The following TMCC2 variants were observed in gnomAD, a reference collection of about 807,000 sequenced individuals.
TMCC2 encodes the protein transmembrane and coiled-coil domain family 2.
Under a neutral mutation model 49.4 loss-of-function variants are expected in TMCC2, and 16 were observed. The ratio of observed to expected loss-of-function variants is 0.32; its 90% CI spans 0.22 to 0.49. TMCC2 has a LOEUF of 0.49. Ranked by LOEUF, TMCC2 falls within the 20% of genes least tolerant of loss-of-function variation. The pLI, the probability that TMCC2 is intolerant of heterozygous loss-of-function variation, is 0.99. For synonymous variants in TMCC2, 397 were observed against 434.1 expected (o/e 0.91, Z 1.06); for missense variants, 762 against 989.8 (o/e 0.77, Z 3.09).
At chr1:205,245,197 G>A (rs920881636) in intron 2 of TMCC2, among the ~76,000 whole-genome samples, 7 of 152,116 alleles carry the variant, frequency 4.6e-5, no homozygotes, top group Non-Finnish European at 8.8e-5. Context: ...TGCTGGTCCC[G>A]TCTCCAGAGG....
intron 2 of TMCC2, chr1:205,257,287 C>T: frequency 8.1e-7 from 1 of 1,232,282 alleles, no homozygotes; most frequent in African/African-American, 1.5e-5. Flanking sequence ...GGGGGCCTGA[C>T]ACAGTCCGCA....
chr1:205,253,815 T>C (rs57786383), intron 2 of TMCC2, among the ~76,000 whole-genome samples: 4,984 of 152,322 alleles, frequency 0.033, 245 homozygotes, highest in African/African-American at 0.1. Flanking sequence ...CTGTCTGGAA[T>C]ACTGTGGTTT....
intron 2 of TMCC2, chr1:205,268,011 C>T (rs1013513882): frequency 2.0e-6 from 2 of 985,254 alleles, no homozygotes; most frequent in Admixed American, 1.2e-4. Flanking sequence ...TGGGGGCTTC[C>T]ACCATTATGA....
intron 1 of TMCC2, among the ~76,000 whole-genome samples, chr1:205,231,461 TA>T (rs1659795833): frequency 6.6e-6 from 1 of 152,122 alleles, no homozygotes; most frequent in Admixed American, 6.6e-5. Flanking sequence ...CATGCCTGGT[TA>T]ATTTTTAAAT....
At chr1:205,265,112 G>A (rs562137315) in intron 2 of TMCC2, among the ~76,000 whole-genome samples, 52 of 152,178 alleles carry the variant, frequency 3.4e-4, no homozygotes, top group Non-Finnish European at 5.0e-4. Context: ...GTGGAGGGAC[G>A]GAAGGAGCTG....
chr1:205,255,894 G>A (rs1032210767), intron 2 of TMCC2, among the ~76,000 whole-genome samples: 3 of 152,202 alleles, frequency 2.0e-5, no homozygotes, highest in African/African-American at 7.2e-5. Context: ...TAGGGGAGCT[G>A]CCAGAAGTGT....
At position 205,242,107 on chromosome 1, in the gene TMCC2, T is replaced by C. The variant is rs1385458405; in HGVS notation, c.747+63T>C. 4.0e-6 allele frequency: 6 copies of C among 1,494,796 alleles called. No homozygotes were observed. The East Asian group carries it at 9.3e-5, about 23-fold the overall frequency. The allele number at this position is 1,494,796 out of a possible 1,614,324, so 92.6% of individuals were successfully genotyped here. On this transcript the variant is annotated intron_variant, in intron 2 of 4. Transcript: ENST00000358024. ...GCAAGGGCCATCCGCTGAGGGGCCT[T>C]GAGACCTGGGGAGCTGAGCCAGGGG...
chr1:205,270,719 C>T (rs926939793), intron 3 of TMCC2, among the ~76,000 whole-genome samples: 1 of 152,184 alleles, frequency 6.6e-6, no homozygotes, highest in Admixed American at 6.5e-5. Flanking sequence ...TCCCTGGTAC[C>T]CAGAGAGCAT....
At chr1:205,235,410 T>C (rs1167033781) in intron 1 of TMCC2, among the ~76,000 whole-genome samples, 1 of 152,218 alleles carries the variant, frequency 6.6e-6, no homozygotes, top group Non-Finnish European at 1.5e-5. Flanking sequence ...TAATTATGTC[T>C]TCACTGCCAA....
intron 2 of TMCC2, chr1:205,257,071 G>C: frequency 1.1e-6 from 1 of 942,712 alleles, no homozygotes; most frequent in Non-Finnish European, 1.4e-6. Flanking sequence ...TCTCATCAGA[G>C]CTCGGTCCTC....
intron 1 of TMCC2, chr1:205,229,773 C>G (rs1659718739): frequency 1.0e-6 from 1 of 985,424 alleles, no homozygotes; most frequent in Non-Finnish European, 1.2e-6. Context: ...AAGAACTGTT[C>G]ACATGGAGCT....
chr1:205,228,422 T>A lies in TMCC2; in HGVS notation c.-143T>A, dbSNP rs1659655199. 6.0e-6 allele frequency: 4 copies of A among 665,394 alleles called. No individual in the cohort carries two copies. The highest frequency in any genetic ancestry group is 3.0e-5 in the Admixed American group (1 of 33,060). 41.2% of individuals were successfully genotyped at this position (665,394 alleles called of 1,614,324 possible). A position where few individuals can be genotyped will look rare whatever the true frequency, so the allele number is the denominator to read the frequency against. On this transcript the variant is annotated 5_prime_UTR_variant, in exon 1 of 5. Transcript: ENST00000358024. Reference sequence around the variant, plus strand: ...CACCCGCCTTTAAGAATTTTTTTTTTAATTCAAGAAATTGTGGTCTGCCAT... The same window carrying A: ...CACCCGCCTTTAAGAATTTTTTTTTAAATTCAAGAAATTGTGGTCTGCCAT...
chr1:205,234,724 A>G (rs1315569656), intron 1 of TMCC2, among the ~76,000 whole-genome samples: 1 of 151,770 alleles, frequency 6.6e-6, no homozygotes, highest in Non-Finnish European at 1.5e-5. Flanking sequence ...CAGTGGCGCA[A>G]TCTTGGCTCA....
At chr1:205,270,893 A>C (rs893321395) in intron 3 of TMCC2, among the ~76,000 whole-genome samples, 12 of 152,336 alleles carry the variant, frequency 7.9e-5, no homozygotes, top group African/African-American at 2.6e-4. Context: ...TGTGGGGAGG[A>C]TCCTATGAGG....
intron 2 of TMCC2, chr1:205,246,784 G>A (rs1660470351): frequency 8.9e-6 from 12 of 1,351,990 alleles, no homozygotes; most frequent in Admixed American, 6.2e-5. Flanking sequence ...GAGGGAAAAC[G>A]TGAACCTTGC....
At chr1:205,263,142 T>TAC (rs139536142) in intron 2 of TMCC2, among the ~76,000 whole-genome samples, 1 of 151,296 alleles carries the variant, frequency 6.6e-6, no homozygotes, top group East Asian at 1.9e-4. Context: ...TGCATGCAGG[T>TAC]ACACACACAC....
intron 1 of TMCC2, among the ~76,000 whole-genome samples, chr1:205,235,439 C>G (rs909145121): frequency 2.6e-5 from 4 of 152,152 alleles, no homozygotes; most frequent in African/African-American, 9.7e-5. Context: ...ACAAGAATCT[C>G]CTTCAGCAAG....
chr1:205,230,997 TC>T (rs57350842), intron 1 of TMCC2, among the ~76,000 whole-genome samples: 21,019 of 42,274 alleles, frequency 0.5, 4,983 homozygotes, highest in South Asian at 0.62. Flanking sequence ...CATCCCCCCA[TC>T]CCCCCCCCCG....
At chr1:205,257,087 CT>C (rs1660903091) in intron 2 of TMCC2, 1 of 1,148,666 alleles carries the variant, frequency 8.7e-7, no homozygotes, top group Non-Finnish European at 1.1e-6. Context: ...TCCTCCCGCG[CT>C]CGGTGATCCT....
Sources: gnomAD v4.1 joint callset for allele counts (sites outside exome capture counted in the v4.1 genomes callset) on GRCh38, gnomAD v4.1.1 for gene constraint, MANE v1.5 for transcripts, NCBI Gene and HGNC (gene_info 2026-07-23, HGNC 2026-07-21) for gene names.